Variants in L3MBTL4 observed in about 807,000 individuals in gnomAD.
L3MBTL4 encodes lethal(3)malignant brain tumor-like protein 4.
In L3MBTL4, 70 loss-of-function variants were observed where a neutral mutation model predicts 84.5. That is an observed-to-expected ratio of 0.83 (90% CI 0.68 to 1.01). The LOEUF is 1.01. Ranked by LOEUF, L3MBTL4 falls within the 50% of genes least tolerant of loss-of-function variation. The probability of loss-of-function intolerance (pLI) is 0.00; values close to 1 mark genes in which losing one functional copy is unlikely to be tolerated. For missense variants in L3MBTL4, 715 were observed against 754.8 expected (o/e 0.95, Z 0.62); for synonymous variants, 274 against 259.8 (o/e 1.05, Z -0.52).
intron 16 of L3MBTL4, among the ~76,000 whole-genome samples, chr18:5,977,164 C>T (rs1974397): frequency 0.4 from 61,266 of 152,074 alleles, 13,188 homozygotes; most frequent in East Asian, 0.53. Context: ...GCCCCACTGC[C>T]TGCTCCACAC....
intron 15 of L3MBTL4, among the ~76,000 whole-genome samples, chr18:6,091,757 T>C (rs2058466210): frequency 6.6e-6 from 1 of 152,190 alleles, no homozygotes; most frequent in South Asian, 2.1e-4. Flanking sequence ...TCTGTTTCAT[T>C]TCTGTGATTT....
intron 14 of L3MBTL4, among the ~76,000 whole-genome samples, chr18:6,095,800 C>G (rs763583323): frequency 3.3e-5 from 5 of 152,166 alleles, no homozygotes; most frequent in Admixed American, 6.5e-5. Context: ...GGCCAGCATA[C>G]GCTTGAGTCC....
intron 4 of L3MBTL4, among the ~76,000 whole-genome samples, chr18:6,271,289 T>C (rs1310540957): frequency 6.6e-6 from 1 of 152,234 alleles, no homozygotes; most frequent in African/African-American, 2.4e-5. Flanking sequence ...GCGCGTTAAC[T>C]AGTTTTATTT....
At chr18:6,148,104 A>G (rs1365397351) in intron 13 of L3MBTL4, among the ~76,000 whole-genome samples, 1 of 152,196 alleles carries the variant, frequency 6.6e-6, no homozygotes, top group African/African-American at 2.4e-5. Context: ...AGGATTAGGA[A>G]CAAGAAAGTG....
At chr18:6,071,466 C>A (rs2057595724) in intron 16 of L3MBTL4, among the ~76,000 whole-genome samples, 1 of 150,598 alleles carries the variant, frequency 6.6e-6, no homozygotes, top group Admixed American at 6.6e-5. Context: ...TGTATTAAAT[C>A]CTTCAATTAA....
intron 13 of L3MBTL4, among the ~76,000 whole-genome samples, chr18:6,164,639 C>A (rs1444708157): frequency 2.6e-5 from 4 of 152,122 alleles, no homozygotes; most frequent in African/African-American, 9.7e-5. Context: ...AGAAGGAAAA[C>A]TAACAAAAAG....
intron 1 of L3MBTL4, among the ~76,000 whole-genome samples, chr18:6,328,815 A>G (rs2051862654): frequency 6.6e-6 from 1 of 152,220 alleles, no homozygotes; most frequent in South Asian, 2.1e-4. Context: ...CTGACTCTCC[A>G]GCTTAGCTGG....
chr18:6,104,229 T>C (rs1568126461), intron 14 of L3MBTL4, among the ~76,000 whole-genome samples: 1 of 152,212 alleles, frequency 6.6e-6, no homozygotes, highest in Non-Finnish European at 1.5e-5. Context: ...TCTGGATATT[T>C]ATCCAAAAGA....
intron 17 of L3MBTL4, among the ~76,000 whole-genome samples, chr18:5,963,973 G>C (rs1471948106): frequency 6.6e-6 from 1 of 152,216 alleles, no homozygotes; most frequent in African/African-American, 2.4e-5. Flanking sequence ...CTTTTTCAAA[G>C]GGGGTGATCA....
chr18:6,146,044 A>G (rs936133402), intron 13 of L3MBTL4, among the ~76,000 whole-genome samples: 3 of 152,230 alleles, frequency 2.0e-5, no homozygotes, highest in African/African-American at 7.2e-5. Context: ...ACTTGAAGTG[A>G]GAGCACGGGA....
rs980099117 is a variant in L3MBTL4, at chr18:6,077,595, C to A, written c.1444+3286G>T. 5.9e-5 allele frequency among the ~76,000 whole-genome samples: 9 copies of A among 151,730 alleles called. No individual in the cohort carries two copies. The East Asian group carries it at 1.6e-3, about 26-fold the overall frequency. ...TTTTCCAGTGAAAATGGAAAACATG[C>A]CCAAGATATAAAAAACAGAATCTGC... is the stretch of plus-strand genomic sequence containing the variant. On this transcript the variant is annotated intron_variant, in intron 16 of 18. Transcript: ENST00000317931.
chr18:6,187,274 C>CT (rs1484136811), intron 12 of L3MBTL4, among the ~76,000 whole-genome samples: 2 of 151,992 alleles, frequency 1.3e-5, no homozygotes, highest in East Asian at 3.9e-4. Context: ...TGAGTTTTGA[C>CT]TTTTTTTGGT....
intron 18 of L3MBTL4, 69 bp downstream of exon 18, chr18:5,960,025 C>CAT (rs200564933): frequency 4.6e-4 from 118 of 254,900 alleles, no homozygotes; most frequent in Middle Eastern, 1.0e-3. Flanking sequence ...TATATATATA[C>CAT]ATATATATAT....
At chr18:6,212,359 C>G (rs1317419863) in intron 12 of L3MBTL4, among the ~76,000 whole-genome samples, 1 of 152,130 alleles carries the variant, frequency 6.6e-6, no homozygotes, top group Non-Finnish European at 1.5e-5. Context: ...TATATCGAAC[C>G]TAAATCTATC....
intron 6 of L3MBTL4, among the ~76,000 whole-genome samples, chr18:6,243,911 C>T (rs2047552619): frequency 6.6e-6 from 1 of 152,086 alleles, no homozygotes; most frequent in African/African-American, 2.4e-5. Flanking sequence ...AGAAATACAT[C>T]CTCTAGACAT....
intron 16 of L3MBTL4, among the ~76,000 whole-genome samples, chr18:5,997,469 T>C (rs1297113361): frequency 6.6e-6 from 1 of 152,216 alleles, no homozygotes; most frequent in African/African-American, 2.4e-5. Context: ...CTCAGCCCTG[T>C]GGTTTCACTG....
intron 3 of L3MBTL4, 68 bp from the exon 4 acceptor site, chr18:6,302,025 T>G: frequency 1.6e-6 from 2 of 1,271,632 alleles, no homozygotes; most frequent in Non-Finnish European, 2.3e-6. Context: ...AAAACTAATG[T>G]TCCTTTTTGC....
Position 6,351,499 on chromosome 18 carries a change from T to C in L3MBTL4, c.-90-39443A>G, listed in dbSNP as rs543040101. Among the ~76,000 whole-genome samples, 162 of 152,252 alleles carry C rather than the reference T, an allele frequency of 1.1e-3. 1 individual carries two copies. Among genetic ancestry groups the C allele is most frequent in the Middle Eastern group, 0.01 (3 of 294 alleles). On this transcript the variant is annotated intron_variant, in intron 1 of 18. Transcript: ENST00000317931. ...AATGCCACTGAGTGATCACTGAAAA[T>C]GGTTAAGTAAATTTTGTATTATGTA...
chr18:6,151,455 C>A (rs993207230), intron 13 of L3MBTL4, among the ~76,000 whole-genome samples: 1 of 152,124 alleles, frequency 6.6e-6, no homozygotes, highest in African/African-American at 2.4e-5. Context: ...TGCAGTGGCA[C>A]GATCTCGACT....
Sources: allele counts gnomAD v4.1 joint callset (sites outside exome capture counted in the v4.1 genomes callset), GRCh38; gene constraint gnomAD v4.1.1; transcripts MANE v1.5; gene names NCBI Gene and HGNC (gene_info 2026-07-23, HGNC 2026-07-21).